The following PPARGC1A variants were observed in gnomAD, a reference collection of about 807,000 sequenced individuals.
PPARGC1A encodes the protein peroxisome proliferator-activated receptor gamma coactivator 1-alpha.
A neutral mutation model predicts 88.7 loss-of-function variants in PPARGC1A; 25 were observed. The ratio of observed to expected loss-of-function variants is 0.28; its 90% confidence interval spans 0.21 to 0.39. The LOEUF is 0.39. Ranked by LOEUF, PPARGC1A falls within the 10% of genes least tolerant of loss-of-function variation. PPARGC1A has a pLI of 1.00. For missense variants in PPARGC1A, 880 were observed against 968.7 expected (o/e 0.91, Z 1.22); for synonymous variants, 363 against 355.6 (o/e 1.02, Z -0.24).
the PPARGC1A span, among the ~76,000 whole-genome samples, chr4:24,285,916 T>C: frequency 1.3e-5 from 2 of 152,238 alleles, no homozygotes; most frequent in African/African-American, 4.8e-5. Context: ...GCAGCAGCAG[T>C]GGTTGCACTG....
chr4:24,143,960 T>C, the PPARGC1A span, among the ~76,000 whole-genome samples: 2 of 152,236 alleles, frequency 1.3e-5, no homozygotes, highest in Admixed American at 1.3e-4. Context: ...TTCTTTAGCA[T>C]GCTTTTGACT....
At chr4:24,353,514 C>A in the PPARGC1A span, among the ~76,000 whole-genome samples, 59 of 152,300 alleles carry the variant, frequency 3.9e-4, no homozygotes, top group African/African-American at 1.2e-3. Context: ...GACTCGGCCA[C>A]TAAACTTCAG....
chr4:23,847,208 T>C (rs1238572800), intron 2 of PPARGC1A, among the ~76,000 whole-genome samples: 1 of 152,172 alleles, frequency 6.6e-6, no homozygotes, highest in East Asian at 1.9e-4. Flanking sequence ...AGAATATTTG[T>C]TATGATCTAA....
At chr4:23,989,300 C>A in the PPARGC1A span, among the ~76,000 whole-genome samples, 1 of 151,914 alleles carries the variant, frequency 6.6e-6, no homozygotes, top group South Asian at 2.1e-4. Context: ...TTGAACACTG[C>A]ATCATTTTCT....
At chr4:23,947,397 A>ATATATATATATATAT in the PPARGC1A span, among the ~76,000 whole-genome samples, 10 of 12,324 alleles carry the variant, frequency 8.1e-4, no homozygotes, top group Admixed American at 1.4e-3. Context: ...ATATATATAT[A>ATATATATATATATAT]AAAAAAACGG....
the PPARGC1A span, among the ~76,000 whole-genome samples, chr4:24,109,019 C>CACACACACCA: frequency 1.1e-4 from 15 of 140,652 alleles, no homozygotes; most frequent in African/African-American, 3.9e-4. Flanking sequence ...CACACACACA[C>CACACACACCA]CACACACACA....
chr4:23,890,776 C>T (rs192849988), upstream of PPARGC1A, among the ~76,000 whole-genome samples: 1 of 152,218 alleles, frequency 6.6e-6, no homozygotes, highest in East Asian at 1.9e-4. Context: ...GAACAAGCCA[C>T]AAAACCCCAT....
At chr4:23,872,042 C>A (rs1713484591) in intron 2 of PPARGC1A, among the ~76,000 whole-genome samples, 1 of 152,080 alleles carries the variant, frequency 6.6e-6, no homozygotes, top group African/African-American at 2.4e-5. Context: ...AAGCAAGGAG[C>A]TATCACTTAG....
the PPARGC1A span, among the ~76,000 whole-genome samples, chr4:24,342,866 C>T: frequency 1.3e-4 from 20 of 152,122 alleles, no homozygotes; most frequent in Non-Finnish European, 4.4e-5. Flanking sequence ...CTCCTGACTT[C>T]CTGAAGATAA....
In PPARGC1A at chr4:23,814,595, T is replaced by C; in HGVS notation, c.888A>G (p.Pro296=). The change falls in exon 8 of 13, where the codon CCA becomes CCG. Residue 296 remains proline, a synonymous_variant. Transcript: ENST00000264867. ...TGGCTTTATGAGGAGGAGTGGTGGG[T>C]GGAGTTAGGCCTAAGGCAAAAATTA... ...VELSGTAGLT[P]PTTPPHKANQ... The C allele has an allele frequency of 6.5e-7, 1 of 1,548,114 alleles. No individual in the cohort carries two copies. Among genetic ancestry groups the C allele is most frequent in the Non-Finnish European group, 8.7e-7 (1 of 1,156,008 alleles).
At chr4:24,036,618 T>TAAAA in the PPARGC1A span, among the ~76,000 whole-genome samples, 2 of 147,746 alleles carry the variant, frequency 1.4e-5, no homozygotes, top group Admixed American at 6.7e-5. Flanking sequence ...CTTTTTGTAG[T>TAAAA]AAAAAAAAAA....
At chr4:24,151,696 C>G in the PPARGC1A span, among the ~76,000 whole-genome samples, 1 of 152,120 alleles carries the variant, frequency 6.6e-6, no homozygotes, top group Non-Finnish European at 1.5e-5. Context: ...CCCTATCCTA[C>G]AGATGGGGAC....
chr4:24,082,609 C>A, the PPARGC1A span, among the ~76,000 whole-genome samples: 1 of 152,134 alleles, frequency 6.6e-6, no homozygotes, highest in African/African-American at 2.4e-5. Context: ...GGATTTCACA[C>A]TTCTTTTGAC....
chr4:24,424,401 G>C, the PPARGC1A span, among the ~76,000 whole-genome samples: 39 of 149,458 alleles, frequency 2.6e-4, no homozygotes, highest in African/African-American at 9.6e-4. Context: ...TCAGCCTCCC[G>C]AGTAGCTGGG....
the PPARGC1A span, among the ~76,000 whole-genome samples, chr4:24,436,923 C>A: frequency 1.3e-5 from 2 of 152,224 alleles, no homozygotes; most frequent in Admixed American, 6.5e-5. Context: ...AGCGATTGGC[C>A]ACCCCAGAGC....
chr4:23,956,048 C>T, the PPARGC1A span, among the ~76,000 whole-genome samples: 1 of 152,034 alleles, frequency 6.6e-6, no homozygotes, highest in Non-Finnish European at 1.5e-5. Flanking sequence ...TTATGGACAC[C>T]GAAATCTGAA....
chr4:24,138,062 G>A, the PPARGC1A span, among the ~76,000 whole-genome samples: 1 of 152,266 alleles, frequency 6.6e-6, no homozygotes, highest in Non-Finnish European at 1.5e-5. Context: ...GGTCACGTGA[G>A]CATAGAGCCC....
chr4:24,046,086 A>G, the PPARGC1A span, among the ~76,000 whole-genome samples: 2 of 152,196 alleles, frequency 1.3e-5, no homozygotes, highest in Middle Eastern at 3.2e-3. Context: ...TAGAGTAACA[A>G]TGTACCCTGA....
chr4:24,382,808 A>C, the PPARGC1A span, among the ~76,000 whole-genome samples: 1 of 152,230 alleles, frequency 6.6e-6, no homozygotes, highest in Non-Finnish European at 1.5e-5. Context: ...TTGTGGACGC[A>C]GCTTCGGCAG....
Sources: gnomAD v4.1 joint callset for allele counts (sites outside exome capture counted in the v4.1 genomes callset) on GRCh38, gnomAD v4.1.1 for gene constraint, MANE v1.5 for transcripts, NCBI Gene and HGNC (gene_info 2026-07-23, HGNC 2026-07-21) for gene names.